PRKG1: variants seen among roughly 807,000 people sequenced by gnomAD.
The protein encoded by PRKG1 is cGMP-dependent protein kinase 1.
PRKG1 carries 35 observed loss-of-function variants against 88.1 expected under a neutral mutation model. That is an observed-to-expected ratio of 0.40 (90% CI 0.30 to 0.53). PRKG1 has a LOEUF of 0.53. Ranked by LOEUF, PRKG1 falls within the 20% of genes least tolerant of loss-of-function variation. The pLI is 0.59. For missense variants in PRKG1, 540 were observed against 839.8 expected, an observed-to-expected ratio of 0.64 and a Z score of 4.41; for synonymous variants, 303 against 292.5, an observed-to-expected ratio of 1.04 and a Z score of -0.37.
chr10:51,081,122 T>G (rs186239056), intron 1 of PRKG1, among the ~76,000 whole-genome samples: 47 of 152,332 alleles, frequency 3.1e-4, no homozygotes, highest in Non-Finnish European at 4.1e-4. Flanking sequence ...TAAGCATTCC[T>G]TCTGGAGGCT....
Position 50,991,022 on chromosome 10 carries a change from G to T in PRKG1, c.-357G>T, listed in dbSNP as rs1050856411. ...GCGCGTATTCTCACGGAGTGACTAG[G>T]AGAGGGGGACGAGGGAGGGGGTCTC... On this transcript the variant is annotated 5_prime_UTR_variant, in exon 1 of 18. Transcript: ENST00000401604. The surrounding 1 kb of genome is among the most constrained non-coding windows in gnomAD (Gnocchi z 4.5). 1 of 223,394 alleles carries T rather than the reference G, an allele frequency of 4.5e-6. No homozygotes were observed. The highest frequency in any genetic ancestry group is 2.4e-5 in the African/African-American group (1 of 42,156). The allele number at this position is 223,394 out of a possible 1,614,324, so 13.8% of individuals were successfully genotyped here.
chr10:52,158,904 CTG>C (rs1316433931), intron 8 of PRKG1, among the ~76,000 whole-genome samples: 1 of 151,382 alleles, frequency 6.6e-6, no homozygotes, highest in African/African-American at 2.4e-5. Flanking sequence ...CCTCCTTCAA[CTG>C]TGTGTATTTG....
chr10:51,714,525 A>G (rs1841840607), intron 3 of PRKG1, among the ~76,000 whole-genome samples: 2 of 152,242 alleles, frequency 1.3e-5, no homozygotes, highest in Non-Finnish European at 2.9e-5. Context: ...AAGTTCCTTT[A>G]TATCTTGAAA....
intron 5 of PRKG1, among the ~76,000 whole-genome samples, chr10:51,942,381 A>T (rs1196365500): frequency 6.6e-6 from 1 of 150,618 alleles, no homozygotes; most frequent in Non-Finnish European, 1.5e-5. Context: ...GGTTGTGAAA[A>T]TTTTCTCCCA....
chr10:51,685,929 C>T (rs1194664466), intron 3 of PRKG1, among the ~76,000 whole-genome samples: 1 of 152,134 alleles, frequency 6.6e-6, no homozygotes, highest in Non-Finnish European at 1.5e-5. Context: ...ATTTGTGAGC[C>T]TTTGCCACAG....
At chr10:52,223,810 C>A (rs1029618943) in intron 9 of PRKG1, among the ~76,000 whole-genome samples, 1 of 152,134 alleles carries the variant, frequency 6.6e-6, no homozygotes, top group Non-Finnish European at 1.5e-5. Flanking sequence ...TCATGAGGCT[C>A]AAAATTTCAG....
intron 2 of PRKG1, among the ~76,000 whole-genome samples, chr10:51,403,173 A>C (rs1837802662): frequency 6.6e-6 from 1 of 152,176 alleles, no homozygotes; most frequent in Non-Finnish European, 1.5e-5. Flanking sequence ...TTCTGGACAG[A>C]CTTCCCCTAT....
In PRKG1 at chr10:52,007,937, T is replaced by C. The variant is rs187725834; in HGVS notation, c.763-46547T>C. Among the ~76,000 whole-genome samples the C allele has an allele frequency of 3.3e-5, 5 of 152,214 alleles. No homozygotes were observed. In the South Asian group the frequency reaches 6.2e-4, roughly 19 times the overall value. ...AATCACACCAAACACAGTCTTGGGC[T>C]ACAGTGCAGTAAAAATTGAAATCAA... On this transcript the variant is annotated intron_variant, in intron 5 of 17. Coordinates refer to ENST00000373980, the MANE Select transcript of PRKG1 (RefSeq NM_006258.4).
intron 1 of PRKG1, among the ~76,000 whole-genome samples, chr10:51,038,172 C>T (rs147477556): frequency 8.8e-4 from 134 of 152,226 alleles, no homozygotes; most frequent in African/African-American, 3.0e-3. Flanking sequence ...CTACACATTG[C>T]GCAAACTTTA....
At chr10:51,470,362 AT>A (rs1840018395) in intron 3 of PRKG1, among the ~76,000 whole-genome samples, 1 of 151,816 alleles carries the variant, frequency 6.6e-6, no homozygotes, top group Admixed American at 6.6e-5. Context: ...TAATAGTCTA[AT>A]TCTGAGGGGA....
chr10:51,470,316 T>G (rs10997673), intron 3 of PRKG1, among the ~76,000 whole-genome samples: 67,221 of 151,160 alleles, frequency 0.44, 15,517 homozygotes, highest in African/African-American at 0.51. Flanking sequence ...TTGACCATTT[T>G]GAGTATCATT....
intron 3 of PRKG1, among the ~76,000 whole-genome samples, chr10:51,523,399 C>G (rs1745659989): frequency 6.6e-6 from 1 of 152,160 alleles, no homozygotes; most frequent in African/African-American, 2.4e-5. Context: ...AAGCAGTCCT[C>G]CAATACATTA....
At chr10:51,707,813 A>G (rs1841647151) in intron 3 of PRKG1, among the ~76,000 whole-genome samples, 1 of 152,200 alleles carries the variant, frequency 6.6e-6, no homozygotes, top group Admixed American at 6.5e-5. Context: ...AACAGAATAT[A>G]TTTTAGATTC....
Position 52,262,455 on chromosome 10 carries a change from G to A in PRKG1, c.1174-8895G>A, listed in dbSNP as rs369152267. ...CTGGCTAATTTTTATATTTTTGGTA[G>A]AGATGAAGTTTCACCATGTTGGCCA... On this transcript the variant is annotated intron_variant, in intron 10 of 17. Coordinates refer to ENST00000373980, the MANE Select transcript of PRKG1 (RefSeq NM_006258.4). 2.7e-4 allele frequency among the ~76,000 whole-genome samples: 41 copies of A among 152,134 alleles called. 1 individual carries two copies. The East Asian group carries it at 7.8e-3, about 29-fold the overall frequency.
intron 2 of PRKG1, among the ~76,000 whole-genome samples, chr10:51,420,567 C>T (rs994459470): frequency 2.0e-5 from 3 of 152,126 alleles, no homozygotes; most frequent in South Asian, 4.1e-4. Context: ...GGGCTGAGAA[C>T]CACAGTAGCT....
chr10:51,231,242 T>A (rs1424752572), intron 2 of PRKG1, among the ~76,000 whole-genome samples: 1 of 152,132 alleles, frequency 6.6e-6, no homozygotes, highest in African/African-American at 2.4e-5. Context: ...TTGTATAATT[T>A]CCTACTTAAA....
At chr10:51,139,330 A>T (rs531378642) in intron 1 of PRKG1, among the ~76,000 whole-genome samples, 1 of 152,194 alleles carries the variant, frequency 6.6e-6, no homozygotes, top group South Asian at 2.1e-4. Flanking sequence ...GACCTCACAG[A>T]TAGAATAGCC....
At chr10:51,870,954 C>A (rs1370620439) in intron 4 of PRKG1, among the ~76,000 whole-genome samples, 4 of 152,154 alleles carry the variant, frequency 2.6e-5, no homozygotes, top group Non-Finnish European at 4.4e-5. Flanking sequence ...ACCACTTTAC[C>A]CCACCCCCTA....
At chr10:51,582,906 T>C (rs1273020778) in intron 3 of PRKG1, among the ~76,000 whole-genome samples, 9 of 152,160 alleles carry the variant, frequency 5.9e-5, no homozygotes. Context: ...TGCATAATAT[T>C]GTCAGCCACC....
Sources: gnomAD v4.1 joint callset for allele counts (sites outside exome capture counted in the v4.1 genomes callset) on GRCh38, gnomAD v4.1.1 for gene constraint, Gnocchi (gnomAD v3.1) non-coding constraint, MANE v1.5 for transcripts, NCBI Gene and HGNC (gene_info 2026-07-23, HGNC 2026-07-21) for gene names.